Variants in ADCY8 observed in about 807,000 individuals in gnomAD.
The protein encoded by ADCY8 is adenylate cyclase 8.
In ADCY8, 51 loss-of-function variants were observed where a neutral mutation model predicts 119.7. The ratio of observed to expected loss-of-function variants is 0.43; its 90% CI spans 0.34 to 0.54. The LOEUF (loss-of-function observed/expected upper bound fraction) is 0.54. Ranked by LOEUF, ADCY8 falls within the 20% of genes least tolerant of loss-of-function variation. The probability of loss-of-function intolerance (pLI) is 0.03; values close to 1 mark genes in which losing one functional copy is unlikely to be tolerated. For synonymous variants in ADCY8, 665 were observed against 651.0 expected, an observed-to-expected ratio of 1.02 and a Z score of -0.33; for missense variants, 1,383 against 1,598.8, an observed-to-expected ratio of 0.87 and a Z score of 2.30.
chr8:130,815,832 C>T (rs920588933), intron 13 of ADCY8, among the ~76,000 whole-genome samples: 7 of 152,240 alleles, frequency 4.6e-5, no homozygotes, highest in South Asian at 4.2e-4. Context: ...CAGGCAGGGG[C>T]GGAATAGGCA....
At chr8:131,034,745 A>G (rs191810164) in intron 1 of ADCY8, among the ~76,000 whole-genome samples, 1 of 152,288 alleles carries the variant, frequency 6.6e-6, no homozygotes, top group Non-Finnish European at 1.5e-5. Flanking sequence ...TATCTCACCA[A>G]GAGGCACAGA....
chr8:130,939,519 G>A (rs1237386689), intron 4 of ADCY8, among the ~76,000 whole-genome samples: 1 of 152,146 alleles, frequency 6.6e-6, no homozygotes, highest in Non-Finnish European at 1.5e-5. Context: ...ATCAAAATCA[G>A]ATGCATGGAT....
At position 130,981,072 on chromosome 8, in the gene ADCY8, A is replaced by G. The variant is rs149537224; in HGVS notation, c.1110+9321T>C. ...TCATGATAAGCAAGCTTTCGTTTCT[A>G]TGAAAAATGAGTTGAATACTACACT... On this transcript the variant is annotated intron_variant, in intron 2 of 17. Coordinates refer to ENST00000286355, the MANE Select transcript of ADCY8 (RefSeq NM_001115.3). 9.2e-5 allele frequency among the ~76,000 whole-genome samples: 14 copies of G among 152,344 alleles called. 1 individual carries two copies. The highest frequency in any genetic ancestry group is 2.2e-4 in the African/African-American group (9 of 41,586).
At chr8:130,987,428 TA>T (rs1455022167) in intron 2 of ADCY8, among the ~76,000 whole-genome samples, 1 of 152,134 alleles carries the variant, frequency 6.6e-6, no homozygotes, top group Admixed American at 6.5e-5. Flanking sequence ...TCCTGACACA[TA>T]ATAAACCCTC....
At chr8:130,949,785 C>T (rs530359690) in intron 3 of ADCY8, 1 of 152,266 alleles carries the variant, frequency 6.6e-6, no homozygotes, top group East Asian at 1.9e-4. Flanking sequence ...AATCAAACCC[C>T]ATATTCTATT....
chr8:131,028,648 T>C (rs944640743), intron 1 of ADCY8, among the ~76,000 whole-genome samples: 1 of 152,210 alleles, frequency 6.6e-6, no homozygotes, highest in Admixed American at 6.5e-5. Context: ...AATCTGACTT[T>C]GGTTTGCTTT....
chr8:130,848,198 C>A (rs1334423218), intron 10 of ADCY8, among the ~76,000 whole-genome samples: 3 of 152,166 alleles, frequency 2.0e-5, no homozygotes, highest in African/African-American at 7.2e-5. Flanking sequence ...GAACACAGGT[C>A]TATCTGACTC....
intron 1 of ADCY8, among the ~76,000 whole-genome samples, chr8:131,009,843 T>C (rs115266542): frequency 2.0e-5 from 3 of 152,108 alleles, no homozygotes; most frequent in Non-Finnish European, 4.4e-5. Context: ...GGGTAGAAAG[T>C]CAAGAAAATG....
intron 1 of ADCY8, among the ~76,000 whole-genome samples, chr8:130,991,748 T>A (rs1586636568): frequency 6.6e-6 from 1 of 152,220 alleles, no homozygotes; most frequent in East Asian, 1.9e-4. Context: ...TCAACAGACA[T>A]CTATTCTAAT....
rs143924396 is a variant in ADCY8 at position 131,037,280 on chromosome 8, GA to G, written c.960+2093del. On this transcript the variant is annotated intron_variant, in intron 1 of 17. Transcript: ENST00000286355. Reference sequence around the variant, plus strand: ...TCAGGACCTTGGATTTCACAGTGGAGAATTGTTTATGATGAGATGAGGGTGG... The same window carrying G: ...TCAGGACCTTGGATTTCACAGTGGAGATTGTTTATGATGAGATGAGGGTGG... Among the ~76,000 whole-genome samples the G allele has an allele frequency of 7.1e-3, 1,082 of 152,270 alleles. 8 individuals carry two copies. Among genetic ancestry groups the G allele is most frequent in the Middle Eastern group, 0.02 (6 of 294 alleles).
At chr8:130,873,046 C>A (rs373897510) in intron 8 of ADCY8, among the ~76,000 whole-genome samples, 27 of 152,200 alleles carry the variant, frequency 1.8e-4, no homozygotes, top group African/African-American at 5.3e-4. Context: ...CAAAACAAAT[C>A]TATTTCAGAT....
In ADCY8 at chr8:131,040,255, C is replaced by T. The variant is rs770681340; in HGVS notation, c.79G>A (p.Gly27Ser). 10 of 1,552,598 alleles carry T rather than the reference C, an allele frequency of 6.4e-6. No individual in the cohort carries two copies. Among genetic ancestry groups the T allele is most frequent in the South Asian group, 5.9e-5 (5 of 85,320 alleles). The change falls in exon 1 of 18, where the codon GGC becomes AGC. Residue 27 changes from glycine to serine, a missense_variant. Physicochemically the swap from Gly to Ser is moderately conservative, Grantham distance 56. Coordinates refer to ENST00000286355, the MANE Select transcript of ADCY8 (RefSeq NM_001115.3). ...CGCTGCGGCCGGGAGGCGCTCCTGC[C>T]GTCGCCGGCCGGGGGCGTCGGGTGG... The part of the protein sequence containing the change: ...TIHPTPPAGD[G>S]RSASRPQRLL...
At chr8:130,995,885 G>A (rs1308000096) in intron 1 of ADCY8, among the ~76,000 whole-genome samples, 2 of 152,110 alleles carry the variant, frequency 1.3e-5, no homozygotes, top group African/African-American at 4.8e-5. Context: ...TAATAATACA[G>A]AGATGATGTT....
At chr8:130,822,551 C>G (rs78931794) in intron 12 of ADCY8, among the ~76,000 whole-genome samples, 2 of 118,924 alleles carry the variant, frequency 1.7e-5, no homozygotes, top group African/African-American at 2.7e-5. Context: ...TCCATCCATC[C>G]ATCCATCCAT....
chr8:130,968,451 G>A (rs532346779), intron 2 of ADCY8, among the ~76,000 whole-genome samples: 71 of 152,264 alleles, frequency 4.7e-4, no homozygotes, highest in South Asian at 1.2e-3. Context: ...GATTACAGGC[G>A]TGAGCCACCG....
chr8:130,885,488 G>A (rs1818948799), intron 7 of ADCY8, among the ~76,000 whole-genome samples: 1 of 152,044 alleles, frequency 6.6e-6, no homozygotes, highest in African/African-American at 2.4e-5. Context: ...GCTGGTCACT[G>A]GATATGGATA....
intron 9 of ADCY8, among the ~76,000 whole-genome samples, chr8:130,853,219 C>T (rs1817595176): frequency 6.6e-6 from 1 of 152,216 alleles, no homozygotes; most frequent in African/African-American, 2.4e-5. Context: ...GAAGCCAGAG[C>T]CTTGATCTAC....
rs551173587 is a variant in ADCY8, at chr8:130,892,420, A to T, written c.1912-7659T>A. The T allele has an allele frequency of 3.3e-5, 5 of 152,238 alleles. No individual in the cohort carries two copies. The East Asian group carries it at 9.7e-4, about 29-fold the overall frequency. The allele number at this position is 152,238 out of a possible 1,614,324, so 9.4% of individuals were successfully genotyped here. A position where few individuals can be genotyped will look rare whatever the true frequency, so the allele number is the denominator to read the frequency against. On this transcript the variant is annotated intron_variant, in intron 7 of 17. Coordinates refer to ENST00000286355, the MANE Select transcript of ADCY8 (RefSeq NM_001115.3). Reference sequence around the variant, plus strand: ...TGGTGTCCTGAAATTTCAGTCTATGATGAAGAAAATAAAACAATGACAAGG... The same window carrying T: ...TGGTGTCCTGAAATTTCAGTCTATGTTGAAGAAAATAAAACAATGACAAGG...
intron 4 of ADCY8, among the ~76,000 whole-genome samples, chr8:130,939,971 G>A (rs1045670783): frequency 2.9e-4 from 44 of 152,152 alleles, no homozygotes; most frequent in African/African-American, 1.1e-3. Flanking sequence ...TGGGCTGGAT[G>A]TCACCCTCAC....
Sources: gnomAD v4.1 joint callset for allele counts (sites outside exome capture counted in the v4.1 genomes callset) on GRCh38, gnomAD v4.1.1 for gene constraint, MANE v1.5 for transcripts, NCBI Gene and HGNC (gene_info 2026-07-23, HGNC 2026-07-21) for gene names.